Variants in KNTC1 observed in about 807,000 individuals in gnomAD.
KNTC1 encodes the protein kinetochore-associated protein 1.
A neutral mutation model predicts 314.4 loss-of-function variants in KNTC1; 253 were observed. The ratio of observed to expected loss-of-function variants is 0.80; its 90% CI spans 0.73 to 0.89. KNTC1 has a LOEUF of 0.89. Among genes scored for constraint, KNTC1 ranks in the 40% least tolerant of loss-of-function variants. The probability of loss-of-function intolerance (pLI) is 0.00; values close to 1 mark genes in which losing one functional copy is unlikely to be tolerated. For synonymous variants in KNTC1, 901 were observed against 901.4 expected (o/e 1.00, Z 0.01); for missense variants, 2,475 against 2,572.9 (o/e 0.96, Z 0.82).
At chr12:122,597,595 T>C in intron 43 of KNTC1, 136 bp from the exon 44 acceptor site, 1 of 713,158 alleles carries the variant, frequency 1.4e-6, no homozygotes, top group Non-Finnish European at 2.4e-6. Context: ...GACAGGTAGT[T>C]TGTCTGATTT....
intron 56 of KNTC1, 53 bp downstream of exon 56, chr12:122,615,139 C>A: frequency 7.9e-7 from 1 of 1,258,850 alleles, no homozygotes; most frequent in Non-Finnish European, 1.1e-6. Context: ...TTTTGCACAG[C>A]ATCCCCTAAA....
chr12:122,565,803 T>C (rs1046499971), intron 20 of KNTC1, among the ~76,000 whole-genome samples: 2 of 152,104 alleles, frequency 1.3e-5, no homozygotes, highest in African/African-American at 4.8e-5. Context: ...GAGGATCACC[T>C]GAGCCTGGGA....
At chr12:122,542,794 A>G (rs548272440) in intron 6 of KNTC1, among the ~76,000 whole-genome samples, 60 of 152,314 alleles carry the variant, frequency 3.9e-4, no homozygotes, top group African/African-American at 1.4e-3. Flanking sequence ...GCAGAACAAT[A>G]ATGTAAAATA....
rs751890203 is a variant in KNTC1 at position 122,569,647 on chromosome 12, G to C, written c.1717-34G>C. 17 of 1,581,562 alleles carry C rather than the reference G, an allele frequency of 1.1e-5. No homozygotes were observed. The East Asian group carries it at 3.8e-4, about 35-fold the overall frequency. On this transcript the variant is annotated intron_variant, in intron 21 of 63. Transcript: ENST00000333479. ...ATTTGGAAGCCTTTGGTTTAAATTT[G>C]TCAGATCTTAATTTCTCGCTCCTTA... is the stretch of plus-strand genomic sequence containing the variant.
chr12:122,571,131 G>A lies in KNTC1; in HGVS notation c.2019+5G>A, dbSNP rs374138856. ...TCCTGGCATTGGATTTCCTTGGTAT[G>A]ATGTGAGAATGGATTTTTAGTAATG... On this transcript the variant is annotated splice_donor_5th_base_variant and intron_variant, in intron 24 of 63. Transcript: ENST00000333479. 1.2e-6 allele frequency: 2 copies of A among 1,603,170 alleles called. No homozygotes were observed. Among genetic ancestry groups the A allele is most frequent in the Non-Finnish European group, 1.7e-6 (2 of 1,170,452 alleles).
chr12:122,557,550 G>C (rs374743109), intron 17 of KNTC1, 41 bp downstream of exon 17: 13 of 1,611,362 alleles, frequency 8.1e-6, no homozygotes, highest in Non-Finnish European at 1.7e-6. Flanking sequence ...TTAGATTGAC[G>C]TGTTGATCAA....
At position 122,605,430 on chromosome 12, in the gene KNTC1, C is replaced by T. The variant is rs370826799; in HGVS notation, c.5496+15C>T. 136 of 1,345,600 alleles carry T rather than the reference C, an allele frequency of 1.0e-4. No individual in the cohort carries two copies. The highest frequency in any genetic ancestry group is 3.6e-4 in the Middle Eastern group (2 of 5,564). 83.4% of individuals were successfully genotyped at this position (1,345,600 alleles called of 1,614,324 possible). A position where few individuals can be genotyped will look rare whatever the true frequency, so the allele number is the denominator to read the frequency against. On this transcript the variant is annotated intron_variant, in intron 51 of 63. Transcript: ENST00000333479. ...AACCTGGTGAAGTAAGTACTTGCTG[C>T]CCAAGAGTATCTGTAGTTGAGTATG... is the stretch of plus-strand genomic sequence containing the variant.
At chr12:122,570,953 A>G in intron 23 of KNTC1, 21 bp downstream of exon 23, 1 of 1,590,470 alleles carries the variant, frequency 6.3e-7, no homozygotes, top group Non-Finnish European at 8.6e-7. Context: ...TTTAATTAAC[A>G]GTAAAAAGAC....
At chr12:122,545,329 G>C (rs1467558015) in intron 8 of KNTC1, among the ~76,000 whole-genome samples, 1 of 152,064 alleles carries the variant, frequency 6.6e-6, no homozygotes, top group Non-Finnish European at 1.5e-5. Context: ...GTGAGCCCAG[G>C]AGTATCAGGC....
chr12:122,599,766 A>G (rs1871578455), intron 44 of KNTC1, among the ~76,000 whole-genome samples: 1 of 152,144 alleles, frequency 6.6e-6, no homozygotes, highest in African/African-American at 2.4e-5. Context: ...TCATCTTCCC[A>G]CTTTGTTCAA....
Position 122,582,931 on chromosome 12 carries a change from T to C in KNTC1, c.3209T>C (p.Leu1070Pro). ...QMSKQELEAE[L>P]TLRALKDGNI... ...TCCAAACAAGAGCTGGAGGCAGAGC[T>C]GACCTTGAGAGCCTTAAAAGATGGG... The change falls in exon 34 of 64, where the codon CTG becomes CCG. Residue 1070 changes from leucine to proline, a missense_variant. By Grantham distance (98) the Leu-to-Pro change is moderately conservative. Transcript: ENST00000333479. 6.2e-7 allele frequency: 1 copy of C among 1,613,526 alleles called. No homozygotes were observed. Among genetic ancestry groups the C allele is most frequent in the Non-Finnish European group, 8.5e-7 (1 of 1,179,700 alleles).
chr12:122,613,066 A>G (rs759967125), intron 53 of KNTC1, 46 bp from the exon 54 acceptor site: 5 of 969,956 alleles, frequency 5.2e-6, no homozygotes, highest in East Asian at 2.4e-5. Context: ...TTACCCAACT[A>G]CAATGTGCAG....
intron 2 of KNTC1, 74 bp from the exon 3 acceptor site, chr12:122,534,590 A>C: frequency 7.3e-7 from 1 of 1,374,122 alleles, no homozygotes; most frequent in Admixed American, 2.1e-5. Context: ...TGGGAATTTG[A>C]TGATACTATT....
At chr12:122,620,966 C>A (rs954182043) in intron 60 of KNTC1, among the ~76,000 whole-genome samples, 1 of 152,226 alleles carries the variant, frequency 6.6e-6, no homozygotes, top group African/African-American at 2.4e-5. Context: ...GAAGATGTTG[C>A]ATTTGAGTAG....
chr12:122,530,016 G>T lies in KNTC1; in HGVS notation c.-48G>T. ...ATAATATGGTGTCTAATTTTATGTT[G>T]TTCAGGAAAGACAGTGGTTCCTGAC... On this transcript the variant is annotated 5_prime_UTR_variant, in exon 2 of 64. Transcript: ENST00000333479. The T allele has an allele frequency of 6.3e-7, 1 of 1,598,174 alleles. No homozygotes were observed. The highest frequency in any genetic ancestry group is 8.5e-7 in the Non-Finnish European group (1 of 1,171,014).
rs1242547913 is a variant in KNTC1, at chr12:122,592,060, G to A, written c.4245+607G>A. Among the ~76,000 whole-genome samples, 11 of 152,210 alleles carry A rather than the reference G, an allele frequency of 7.2e-5. No homozygotes were observed. In the East Asian group the frequency reaches 1.5e-3, roughly 21 times the overall value. ...AGCAGGAACCCGGGCTGCGCATGGC[G>A]CTTGCGGGCCAGCTGGAGTTCCGGG... On this transcript the variant is annotated intron_variant, in intron 42 of 63. Transcript: ENST00000333479.
chr12:122,548,071 G>A, intron 12 of KNTC1, 102 bp downstream of exon 12: 2 of 616,492 alleles, frequency 3.2e-6, no homozygotes. Flanking sequence ...TTAGCTCTTA[G>A]TTCACACAGA....
chr12:122,615,629 T>C (rs765456339), intron 57 of KNTC1, 103 bp downstream of exon 57: 2 of 1,140,776 alleles, frequency 1.8e-6, no homozygotes, highest in Non-Finnish European at 2.4e-6. Context: ...CCTTCTTAAA[T>C]AACAGAACTG....
chr12:122,621,046 C>A (rs764236748), intron 60 of KNTC1, among the ~76,000 whole-genome samples: 2 of 152,054 alleles, frequency 1.3e-5, no homozygotes, highest in Non-Finnish European at 2.9e-5. Context: ...GGTTAAGTAC[C>A]CATGATAGGG....
Sources: allele counts gnomAD v4.1 joint callset (sites outside exome capture counted in the v4.1 genomes callset), GRCh38; gene constraint gnomAD v4.1.1; transcripts MANE v1.5; gene names NCBI Gene and HGNC (gene_info 2026-07-23, HGNC 2026-07-21).